Variants in WDR7 observed in about 807,000 individuals in gnomAD.
WDR7 encodes the protein WD repeat domain 7.
A neutral mutation model predicts 169.4 loss-of-function variants in WDR7; 46 were observed. The observed-to-expected ratio is 0.27, with a 90% CI of 0.21 to 0.35. The LOEUF is 0.35. WDR7 is among the 10% of genes least tolerant of loss of function. The pLI is 1.00. For synonymous variants in WDR7, 612 were observed against 666.8 expected, an observed-to-expected ratio of 0.92 and a Z score of 1.27; for missense variants, 1,534 against 1,859.3, an observed-to-expected ratio of 0.83 and a Z score of 3.22.
intron 12 of WDR7, among the ~76,000 whole-genome samples, chr18:56,702,729 T>G (rs573338039): frequency 6.6e-6 from 1 of 152,342 alleles, no homozygotes; most frequent in South Asian, 2.1e-4. Context: ...AGTAAAAATA[T>G]TAAAACCGAA....
chr18:56,963,161 T>G (rs2047360160), intron 26 of WDR7, among the ~76,000 whole-genome samples: 1 of 152,108 alleles, frequency 6.6e-6, no homozygotes, highest in Non-Finnish European at 1.5e-5. Context: ...TAACCCCACT[T>G]TAGATGTAAA....
chr18:56,938,174 A>G (rs982673629), intron 23 of WDR7, among the ~76,000 whole-genome samples: 3 of 152,162 alleles, frequency 2.0e-5, no homozygotes, highest in Non-Finnish European at 4.4e-5. Flanking sequence ...CAGCTGCACT[A>G]TCATTACTTG....
chr18:56,962,302 G>C, intron 25 of WDR7, 128 bp from the exon 26 acceptor site: 1 of 509,480 alleles, frequency 2.0e-6, no homozygotes, highest in Non-Finnish European at 3.4e-6. Context: ...ATTTATTATG[G>C]ATATATTTAT....
At chr18:56,873,766 C>T (rs191750937) in intron 20 of WDR7, 94 of 152,274 alleles carry the variant, frequency 6.2e-4, no homozygotes, top group African/African-American at 2.1e-3. Context: ...GGGGAAGAAA[C>T]TAAATTAAAT....
chr18:56,932,901 G>A (rs544200337), intron 22 of WDR7, among the ~76,000 whole-genome samples: 8 of 148,992 alleles, frequency 5.4e-5, no homozygotes, highest in African/African-American at 1.3e-4. Context: ...GTGTGTGTGT[G>A]TGTGTCTATC....
intron 14 of WDR7, among the ~76,000 whole-genome samples, chr18:56,736,429 C>T (rs1475459605): frequency 6.6e-6 from 1 of 151,548 alleles, no homozygotes; most frequent in African/African-American, 2.4e-5. Flanking sequence ...TCTTTTTAAG[C>T]CACATCTTCG....
chr18:56,798,144 A>C (rs915220464), intron 19 of WDR7, among the ~76,000 whole-genome samples: 1 of 152,162 alleles, frequency 6.6e-6, no homozygotes, highest in Non-Finnish European at 1.5e-5. Context: ...ATTTTACTTG[A>C]CTTTTGTAAT....
chr18:56,923,875 A>C, intron 21 of WDR7, 47 bp from the exon 22 acceptor site: 1 of 1,454,528 alleles, frequency 6.9e-7, no homozygotes, highest in Non-Finnish European at 9.1e-7. Context: ...AAACAATTAC[A>C]AAAGTAAAAT....
At chr18:56,915,059 CTTAAT>C (rs1175938922) in intron 21 of WDR7, among the ~76,000 whole-genome samples, 2 of 152,034 alleles carry the variant, frequency 1.3e-5, no homozygotes. Flanking sequence ...AAATTAATTT[CTTAAT>C]TTAACAGTTA....
At chr18:56,901,364 A>G (rs1249456045) in intron 21 of WDR7, among the ~76,000 whole-genome samples, 2 of 152,208 alleles carry the variant, frequency 1.3e-5, no homozygotes, top group Admixed American at 1.3e-4. Flanking sequence ...TACTCTTATC[A>G]TAGCTGGGTA....
At chr18:56,935,644 G>A in intron 22 of WDR7, 144 bp from the exon 23 acceptor site, 6 of 727,348 alleles carry the variant, frequency 8.2e-6, no homozygotes, top group Non-Finnish European at 1.4e-5. Context: ...CCTAATCACT[G>A]CCCATTGTTG....
At chr18:56,772,831 A>G (rs1026876531) in intron 16 of WDR7, among the ~76,000 whole-genome samples, 1 of 152,072 alleles carries the variant, frequency 6.6e-6, no homozygotes, top group Non-Finnish European at 1.5e-5. Context: ...GTATTGGTGG[A>G]AACCAATAGC....
chr18:56,774,506 A>G (rs1160462672), intron 16 of WDR7, among the ~76,000 whole-genome samples: 1 of 152,124 alleles, frequency 6.6e-6, no homozygotes, highest in East Asian at 1.9e-4. Flanking sequence ...AAGCAAATTG[A>G]TAGGTGACAT....
chr18:56,665,017 G>C (rs1433312906), intron 1 of WDR7, among the ~76,000 whole-genome samples: 1 of 152,146 alleles, frequency 6.6e-6, no homozygotes, highest in Non-Finnish European at 1.5e-5. Flanking sequence ...GGTGTGGCTG[G>C]GCATGGTGGC....
chr18:56,738,567 C>G (rs1211375346), intron 14 of WDR7, among the ~76,000 whole-genome samples: 1 of 151,996 alleles, frequency 6.6e-6, no homozygotes, highest in African/African-American at 2.4e-5. Flanking sequence ...CAAACAAAAA[C>G]AAACAAACAA....
At chr18:56,777,031 C>G in intron 17 of WDR7, 151 bp downstream of exon 17, 1 of 740,280 alleles carries the variant, frequency 1.4e-6, no homozygotes. Flanking sequence ...ATGTCAATGA[C>G]AAGAACCAGT....
intron 19 of WDR7, among the ~76,000 whole-genome samples, chr18:56,788,195 A>T (rs1295778211): frequency 1.3e-5 from 2 of 152,164 alleles, no homozygotes; most frequent in African/African-American, 4.8e-5. Context: ...TCTATTCACT[A>T]GCCAGAGTTA....
intron 21 of WDR7, among the ~76,000 whole-genome samples, chr18:56,921,362 A>C (rs986291832): frequency 1.3e-5 from 2 of 152,206 alleles, no homozygotes; most frequent in Non-Finnish European, 2.9e-5. Flanking sequence ...TCTCCTTTTA[A>C]TGCCCTCACA....
intron 1 of WDR7, among the ~76,000 whole-genome samples, chr18:56,664,105 G>A (rs1051026534): frequency 2.0e-5 from 3 of 152,200 alleles, no homozygotes; most frequent in Admixed American, 6.5e-5. Flanking sequence ...ATCAACAATC[G>A]ATTAATGTCA....
Sources: allele counts gnomAD v4.1 joint callset (sites outside exome capture counted in the v4.1 genomes callset), GRCh38; gene constraint gnomAD v4.1.1; transcripts MANE v1.5; gene names NCBI Gene and HGNC (gene_info 2026-07-23, HGNC 2026-07-21).